ARHGAP15: variants seen among roughly 807,000 people sequenced by gnomAD.
ARHGAP15 encodes the protein Rho GTPase activating protein 15.
A neutral mutation model predicts 63.7 loss-of-function variants in ARHGAP15; 51 were observed. The ratio of observed to expected loss-of-function variants is 0.80; its 90% CI spans 0.64 to 1.01. The LOEUF is 1.01. ARHGAP15 is among the 50% of genes least tolerant of loss of function. ARHGAP15 has a pLI of 0.00. For missense variants in ARHGAP15, 560 were observed against 564.6 expected, an observed-to-expected ratio of 0.99 and a Z score of 0.08; for synonymous variants, 191 against 193.8, an observed-to-expected ratio of 0.99 and a Z score of 0.12.
chr2:143,286,591 C>A (rs1682115403), intron 6 of ARHGAP15, among the ~76,000 whole-genome samples: 2 of 152,098 alleles, frequency 1.3e-5, no homozygotes, highest in East Asian at 3.9e-4. Context: ...TGCACTGCTT[C>A]CTTTTATTTT....
In ARHGAP15 at chr2:143,619,469, A is replaced by G. The variant is rs188324756; in HGVS notation, c.1004-4664A>G. Among the ~76,000 whole-genome samples, 137 of 152,318 alleles carry G rather than the reference A, an allele frequency of 9.0e-4. 1 individual carries two copies. The highest frequency in any genetic ancestry group is 3.2e-3 in the African/African-American group (132 of 41,574). ...TGTTTATAAGCTTTAAGGCAAAACCATAACCAAAATGGATTTAAGATAACC... is the reference window on the plus strand; with the variant it reads ...TGTTTATAAGCTTTAAGGCAAAACCGTAACCAAAATGGATTTAAGATAACC... On this transcript the variant is annotated intron_variant, in intron 11 of 13. Transcript: ENST00000295095.
At chr2:143,281,588 G>T (rs113865627) in intron 6 of ARHGAP15, among the ~76,000 whole-genome samples, 3 of 151,980 alleles carry the variant, frequency 2.0e-5, no homozygotes, top group African/African-American at 7.3e-5. Context: ...CCCGGGAAAC[G>T]GGCCTAAGAA....
chr2:143,554,568 AATCT>A (rs1695707852), intron 10 of ARHGAP15, among the ~76,000 whole-genome samples: 2 of 152,168 alleles, frequency 1.3e-5, no homozygotes, highest in Admixed American at 1.3e-4. Context: ...AATATTTTTA[AATCT>A]ATCACGTTAT....
intron 13 of ARHGAP15, among the ~76,000 whole-genome samples, chr2:143,749,686 A>T (rs1233737114): frequency 6.6e-6 from 1 of 152,246 alleles, no homozygotes; most frequent in Non-Finnish European, 1.5e-5. Context: ...AGGAGTAATT[A>T]TTTTAACATT....
At chr2:143,509,038 C>A (rs189926134) in intron 9 of ARHGAP15, among the ~76,000 whole-genome samples, 328 of 152,280 alleles carry the variant, frequency 2.2e-3, no homozygotes, top group Middle Eastern at 6.8e-3. Flanking sequence ...CTGCCTTGAT[C>A]AAAGGGTGCT....
At chr2:143,272,760 G>A (rs1288256103) in intron 6 of ARHGAP15, among the ~76,000 whole-genome samples, 4 of 152,148 alleles carry the variant, frequency 2.6e-5, no homozygotes, top group Admixed American at 6.5e-5. Context: ...ACTGCCAATC[G>A]ATATTCTTGA....
chr2:143,423,432 C>T (rs766496230), intron 6 of ARHGAP15, among the ~76,000 whole-genome samples: 5 of 152,086 alleles, frequency 3.3e-5, no homozygotes, highest in Non-Finnish European at 7.4e-5. Flanking sequence ...TCATTCTATA[C>T]CCCTTTATTG....
intron 9 of ARHGAP15, among the ~76,000 whole-genome samples, chr2:143,502,516 T>C (rs1693111359): frequency 6.6e-6 from 1 of 152,192 alleles, no homozygotes; most frequent in Admixed American, 6.5e-5. Flanking sequence ...TAATCAGTTA[T>C]TACAGCATGA....
chr2:143,679,533 C>T (rs1682992188), intron 12 of ARHGAP15, among the ~76,000 whole-genome samples: 1 of 152,126 alleles, frequency 6.6e-6, no homozygotes, highest in Non-Finnish European at 1.5e-5. Context: ...TATCTAGTCT[C>T]CTCTGCCCAA....
chr2:143,364,133 A>G (rs909727281), intron 6 of ARHGAP15, among the ~76,000 whole-genome samples: 2 of 152,106 alleles, frequency 1.3e-5, no homozygotes, highest in African/African-American at 4.8e-5. Flanking sequence ...ATCTCTTTCA[A>G]CTATTTTTCC....
intron 6 of ARHGAP15, among the ~76,000 whole-genome samples, chr2:143,346,168 ACACACTCTCTCTCT>A (rs1685265017): frequency 1.8e-5 from 2 of 112,882 alleles, no homozygotes; most frequent in African/African-American, 8.1e-5. Flanking sequence ...ACACACACAC[ACACACTCTCTCTCT>A]CACACACACA....
intron 6 of ARHGAP15, among the ~76,000 whole-genome samples, chr2:143,304,493 T>C (rs1349856120): frequency 1.3e-5 from 2 of 152,054 alleles, no homozygotes; most frequent in Admixed American, 6.6e-5. Flanking sequence ...TTAGGAGATA[T>C]ACCTAATGTA....
At chr2:143,645,133 A>G (rs998369425) in intron 12 of ARHGAP15, among the ~76,000 whole-genome samples, 2 of 152,110 alleles carry the variant, frequency 1.3e-5, no homozygotes, top group African/African-American at 2.4e-5. Flanking sequence ...GGTTAATTGA[A>G]CAGGCAAAAA....
intron 6 of ARHGAP15, among the ~76,000 whole-genome samples, chr2:143,364,851 C>T (rs1042918979): frequency 1.3e-5 from 2 of 152,058 alleles, no homozygotes; most frequent in Non-Finnish European, 2.9e-5. Context: ...CTTAAAAATA[C>T]AACAATTATC....
At chr2:143,506,908 T>C (rs192613176) in intron 9 of ARHGAP15, among the ~76,000 whole-genome samples, 10 of 152,310 alleles carry the variant, frequency 6.6e-5, no homozygotes, top group African/African-American at 1.9e-4. Context: ...AAACATTCTT[T>C]ATAAGCTGTT....
intron 11 of ARHGAP15, among the ~76,000 whole-genome samples, chr2:143,565,642 A>G (rs977566446): frequency 2.0e-5 from 3 of 152,252 alleles, no homozygotes; most frequent in Admixed American, 6.5e-5. Flanking sequence ...AGAAATGAAT[A>G]GTGAAGGATC....
At chr2:143,763,559 C>CTGTT (rs1252414677) in intron 13 of ARHGAP15, among the ~76,000 whole-genome samples, 1 of 151,340 alleles carries the variant, frequency 6.6e-6, no homozygotes, top group Non-Finnish European at 1.5e-5. Context: ...ACATGAACTA[C>CTGTT]TGTTTGGTTG....
At chr2:143,586,253 C>T (rs1435476939) in intron 11 of ARHGAP15, among the ~76,000 whole-genome samples, 4 of 152,110 alleles carry the variant, frequency 2.6e-5, no homozygotes, top group Non-Finnish European at 4.4e-5. Context: ...ATTAATTGTT[C>T]TATGTCAAAT....
At chr2:143,298,679 A>C (rs12328672) in intron 6 of ARHGAP15, among the ~76,000 whole-genome samples, 73 of 151,808 alleles carry the variant, frequency 4.8e-4, no homozygotes, top group Non-Finnish European at 8.7e-4. Flanking sequence ...TAAAATCCAC[A>C]TGCATGGTTT....
Sources: gnomAD v4.1 joint callset for allele counts (sites outside exome capture counted in the v4.1 genomes callset) on GRCh38, gnomAD v4.1.1 for gene constraint, MANE v1.5 for transcripts, NCBI Gene and HGNC (gene_info 2026-07-23, HGNC 2026-07-21) for gene names.